The following NTRK3 variants were observed in gnomAD, a reference collection of about 807,000 sequenced individuals.
NTRK3 encodes neurotrophic receptor tyrosine kinase 3, also known as NT-3 growth factor receptor.
NTRK3 carries 24 observed loss-of-function variants against 91.7 expected under a neutral mutation model. The observed-to-expected ratio is 0.26, with a 90% CI of 0.19 to 0.37. The LOEUF (loss-of-function observed/expected upper bound fraction) is 0.37, where lower values mean the gene tolerates loss of function less well. Among genes scored for constraint, NTRK3 ranks in the 10% least tolerant of loss-of-function variants. The probability of loss-of-function intolerance (pLI) is 1.00; values close to 1 mark genes in which losing one functional copy is unlikely to be tolerated. For synonymous variants in NTRK3, 483 were observed against 404.0 expected (o/e 1.20, Z -2.34); for missense variants, 880 against 1,068.9 (o/e 0.82, Z 2.46).
At chr15:88,204,002 G>C (rs1362834704) in intron 3 of NTRK3, among the ~76,000 whole-genome samples, 6 of 152,122 alleles carry the variant, frequency 3.9e-5, no homozygotes, top group African/African-American at 1.4e-4. Context: ...ACATGCATTA[G>C]GTATTTGTCC....
rs145949052 is a variant in NTRK3 at position 87,934,323 on chromosome 15, C to G, written c.1717-1139G>C. Among the ~76,000 whole-genome samples the G allele has an allele frequency of 2.4e-3, 360 of 152,310 alleles. 6 individuals carry two copies. In the East Asian group the frequency reaches 0.024, roughly 10 times the overall value. ...TTTAGCAATCTCAATAGACACAACA[C>G]AAGGTAATGAGGAAGTGAGTGTAAT... On this transcript the variant is annotated intron_variant, in intron 15 of 18. Coordinates refer to ENST00000394480, the Ensembl canonical transcript of NTRK3.
intron 14 of NTRK3, among the ~76,000 whole-genome samples, chr15:87,968,459 G>C (rs1385076585): frequency 1.3e-5 from 2 of 152,032 alleles, no homozygotes; most frequent in Non-Finnish European, 2.9e-5. Flanking sequence ...TACACGTTCA[G>C]AGTTTTATAA....
chr15:88,038,005 T>G (rs185107562), intron 13 of NTRK3, among the ~76,000 whole-genome samples: 10 of 152,334 alleles, frequency 6.6e-5, no homozygotes, highest in Admixed American at 6.5e-4. Context: ...CCACCAGCAC[T>G]GCCTCCCTGA....
chr15:87,972,966 G>A, intron 14 of NTRK3, among the ~76,000 whole-genome samples: 1 of 152,080 alleles, frequency 6.6e-6, no homozygotes, highest in Non-Finnish European at 1.5e-5. Flanking sequence ...TGTCTTTCTT[G>A]TTCCCTTCTC....
chr15:88,065,832 T>C (rs1367456820), intron 13 of NTRK3, among the ~76,000 whole-genome samples: 2 of 152,236 alleles, frequency 1.3e-5, no homozygotes, highest in African/African-American at 4.8e-5. Flanking sequence ...TTAGTACCTG[T>C]TGAGTTTCTC....
At chr15:88,250,264 C>G (rs1292001526) in intron 3 of NTRK3, among the ~76,000 whole-genome samples, 2 of 152,220 alleles carry the variant, frequency 1.3e-5, no homozygotes, top group African/African-American at 4.8e-5. Context: ...TCCTGAGAGC[C>G]TCTGGACTTT....
intron 14 of NTRK3, among the ~76,000 whole-genome samples, chr15:87,945,604 A>G (rs1821596): frequency 0.28 from 41,953 of 152,020 alleles, 6,825 homozygotes; most frequent in African/African-American, 0.45. Flanking sequence ...CCTGTGGGGC[A>G]GGAGGGGAGG....
chr15:88,108,379 A>G (rs761985752), intron 13 of NTRK3, among the ~76,000 whole-genome samples: 8 of 152,106 alleles, frequency 5.3e-5, no homozygotes, highest in Non-Finnish European at 1.2e-4. Flanking sequence ...TTCATTGCCT[A>G]TTTTCCTCAC....
At chr15:87,897,033 A>G (rs910050703) in intron 17 of NTRK3, among the ~76,000 whole-genome samples, 2 of 152,188 alleles carry the variant, frequency 1.3e-5, no homozygotes. Flanking sequence ...AGTTTACGCA[A>G]ACAGCATCCA....
intron 17 of NTRK3, among the ~76,000 whole-genome samples, chr15:87,887,625 C>T (rs2065625383): frequency 6.6e-6 from 1 of 152,144 alleles, no homozygotes; most frequent in South Asian, 2.1e-4. Context: ...GATCTTCCTC[C>T]AAGGTGACCA....
At chr15:88,129,083 G>A (rs2053570361) in intron 10 of NTRK3, among the ~76,000 whole-genome samples, 1 of 152,182 alleles carries the variant, frequency 6.6e-6, no homozygotes, top group African/African-American at 2.4e-5. Flanking sequence ...CCAAAGTGCT[G>A]GGAATGGGGC....
In NTRK3 at chr15:87,964,499, T is replaced by C. The variant is rs529037894; in HGVS notation, c.1586-23746A>G. Among the ~76,000 whole-genome samples the C allele has an allele frequency of 2.0e-5, 3 of 152,192 alleles. No individual in the cohort carries two copies. In the East Asian group the frequency reaches 5.8e-4, roughly 29 times the overall value. On this transcript the variant is annotated intron_variant, in intron 14 of 18. Coordinates refer to ENST00000394480, the Ensembl canonical transcript of NTRK3. Reference sequence around the variant, plus strand: ...TATATATACAAACTTTATTGAGACATTATTTTACATACCATAAAATTCACC... The same window carrying C: ...TATATATACAAACTTTATTGAGACACTATTTTACATACCATAAAATTCACC...
chr15:88,140,375 G>A (rs2042274621), intron 6 of NTRK3, among the ~76,000 whole-genome samples: 1 of 152,152 alleles, frequency 6.6e-6, no homozygotes. Context: ...TACACTCTTG[G>A]CCAGACCCAG....
intron 5 of NTRK3, among the ~76,000 whole-genome samples, chr15:88,177,459 T>C (rs1207770340): frequency 1.3e-5 from 2 of 152,166 alleles, no homozygotes; most frequent in Non-Finnish European, 2.9e-5. Flanking sequence ...ATACAAAATA[T>C]TTTATGAATT....
intron 17 of NTRK3, among the ~76,000 whole-genome samples, chr15:87,909,898 T>G (rs1420312695): frequency 2.6e-5 from 4 of 152,212 alleles, no homozygotes; most frequent in Non-Finnish European, 5.9e-5. Context: ...TGTTGGCACC[T>G]TGGTCTTGAA....
chr15:88,229,196 C>T (rs772644162), intron 3 of NTRK3, among the ~76,000 whole-genome samples: 40 of 152,174 alleles, frequency 2.6e-4, no homozygotes, highest in Non-Finnish European at 5.3e-4. Context: ...TTACTTGCAG[C>T]CAAACGCAAG....
intron 17 of NTRK3, among the ~76,000 whole-genome samples, chr15:87,907,574 C>T (rs2066847786): frequency 6.6e-6 from 1 of 152,110 alleles, no homozygotes; most frequent in Non-Finnish European, 1.5e-5. Flanking sequence ...TCAAAACTGA[C>T]TTAACTACCG....
chr15:88,043,169 GC>G (rs1239113360), intron 13 of NTRK3, among the ~76,000 whole-genome samples: 1 of 152,158 alleles, frequency 6.6e-6, no homozygotes, highest in Non-Finnish European at 1.5e-5. Context: ...GTCAAAACAA[GC>G]ATCCTGGAGG....
Position 88,241,865 on chromosome 15 carries a change from T to A in NTRK3, c.248+14041A>T, listed in dbSNP as rs563045808. Among the ~76,000 whole-genome samples, 1 of 152,104 alleles carries A rather than the reference T, an allele frequency of 6.6e-6. No homozygotes were observed. The highest frequency in any genetic ancestry group is 1.5e-5 in the Non-Finnish European group (1 of 68,002). On this transcript the variant is annotated intron_variant, in intron 3 of 18. Transcript: ENST00000394480. The surrounding 1 kb of genome is among the most constrained non-coding windows in gnomAD (Gnocchi z 4.3). ...CCCACCTCCCCTCTCCAGAGGTCGA[T>A]TTCCAGGTGCAGGGAGAGGCCAGGA... is the stretch of plus-strand genomic sequence containing the variant.
Sources: allele counts gnomAD v4.1 joint callset (sites outside exome capture counted in the v4.1 genomes callset), GRCh38; gene constraint gnomAD v4.1.1; non-coding constraint Gnocchi (gnomAD v3.1); transcripts MANE v1.5; gene names NCBI Gene and HGNC (gene_info 2026-07-23, HGNC 2026-07-21).